The following TRAK1 variants were observed in gnomAD, a reference collection of about 807,000 sequenced individuals.
TRAK1 encodes the protein trafficking kinesin protein 1, also known as trafficking kinesin-binding protein 1.
A neutral mutation model predicts 92.1 loss-of-function variants in TRAK1; 33 were observed. The ratio of observed to expected loss-of-function variants is 0.36; its 90% CI spans 0.27 to 0.48. The LOEUF is 0.48. Among genes scored for constraint, TRAK1 ranks in the 20% least tolerant of loss-of-function variants. The pLI is 0.99. For synonymous variants in TRAK1, 521 were observed against 517.3 expected (o/e 1.01, Z -0.10); for missense variants, 1,123 against 1,257.9 (o/e 0.89, Z 1.62).
At chr3:42,217,201 C>A in intron 14 of TRAK1, 1 of 979,874 alleles carries the variant, frequency 1.0e-6, no homozygotes, top group Non-Finnish European at 1.2e-6. Context: ...CTCTGATGAT[C>A]CCAGTCTTGG....
At chr3:42,094,707 T>C (rs1705641502) in intron 1 of TRAK1, among the ~76,000 whole-genome samples, 1 of 152,208 alleles carries the variant, frequency 6.6e-6, no homozygotes, top group South Asian at 2.1e-4. Flanking sequence ...GGAAGAAATA[T>C]AATGTTATAA....
At chr3:42,203,245 T>C (rs1707901511) in intron 13 of TRAK1, 3 of 1,041,180 alleles carry the variant, frequency 2.9e-6, no homozygotes, top group South Asian at 4.6e-5. Context: ...TGTGGGCTTA[T>C]GTGTTCTGAT....
At chr3:42,210,877 A>C (rs184940711) in intron 14 of TRAK1, 2 of 985,328 alleles carry the variant, frequency 2.0e-6, no homozygotes, top group Middle Eastern at 5.2e-4. Flanking sequence ...AGGTGTGGCC[A>C]TGAGTTTACA....
chr3:42,098,024 T>G (rs1413769439), intron 1 of TRAK1, among the ~76,000 whole-genome samples: 1 of 152,036 alleles, frequency 6.6e-6, no homozygotes, highest in Non-Finnish European at 1.5e-5. Context: ...TCGTTTCATT[T>G]TTTTTCTTCT....
chr3:42,191,509 A>AC (rs749403946), intron 6 of TRAK1, 49 bp from the exon 7 acceptor site: 32 of 1,539,274 alleles, frequency 2.1e-5, no homozygotes, highest in Non-Finnish European at 2.8e-5. Context: ...TGCCTGCACC[A>AC]CCAGGCCAGG....
intron 1 of TRAK1, among the ~76,000 whole-genome samples, chr3:42,081,308 T>C (rs570961034): frequency 1.2e-4 from 19 of 152,350 alleles, no homozygotes; most frequent in East Asian, 9.6e-4. Context: ...GTGGTTTTCA[T>C]TGATTTCTGT....
intron 1 of TRAK1, among the ~76,000 whole-genome samples, chr3:42,030,881 G>C (rs1344690656): frequency 1.3e-5 from 2 of 151,610 alleles, no homozygotes; most frequent in Admixed American, 6.6e-5. Context: ...TTGTAGCTGA[G>C]AGATTACTTT....
chr3:42,035,991 G>A lies in TRAK1; in HGVS notation c.-519+21874G>A, dbSNP rs111264638. Among the ~76,000 whole-genome samples, 452 of 152,308 alleles carry A rather than the reference G, an allele frequency of 3.0e-3. 2 individuals carry two copies. Among genetic ancestry groups the A allele is most frequent in the African/African-American group, 0.01 (421 of 41,564 alleles). ...TGCTCAACTTTTAAGTCAGACCTACGGTTGGCCTGGGAAGCCTTCCCTGAC... is the reference window on the plus strand; with the variant it reads ...TGCTCAACTTTTAAGTCAGACCTACAGTTGGCCTGGGAAGCCTTCCCTGAC... On this transcript the variant is annotated intron_variant, in intron 1 of 16. Coordinates refer to the TRAK1 transcript ENST00000487159.
chr3:42,114,467 TATTCCTTTCTTAGATTTA>T (rs779666783), intron 1 of TRAK1, among the ~76,000 whole-genome samples: 37 of 152,372 alleles, frequency 2.4e-4, no homozygotes, highest in Non-Finnish European at 4.6e-4. Flanking sequence ...AGATTGTTTT[TATTCCTTTCTTAGATTTA>T]ATCCCAGGTG....
At chr3:42,156,546 C>A (rs1405024793) in intron 2 of TRAK1, among the ~76,000 whole-genome samples, 1 of 152,118 alleles carries the variant, frequency 6.6e-6, no homozygotes, top group Non-Finnish European at 1.5e-5. Flanking sequence ...AAGGAAGAAT[C>A]CGTGAGTCTA....
At chr3:42,019,172 C>CT (rs527846231) in intron 1 of TRAK1, among the ~76,000 whole-genome samples, 38 of 152,038 alleles carry the variant, frequency 2.5e-4, no homozygotes, top group African/African-American at 8.2e-4. Context: ...TAGGATCTCA[C>CT]TTTTTTTTGT....
upstream of TRAK1, among the ~76,000 whole-genome samples, chr3:42,082,531 G>A (rs183018081): frequency 2.3e-3 from 355 of 152,158 alleles, 3 homozygotes; most frequent in Non-Finnish European, 1.4e-3. Context: ...GGAGGCCAAG[G>A]CTTCAGTGAG....
intron 1 of TRAK1, among the ~76,000 whole-genome samples, chr3:42,080,989 C>T (rs1418308478): frequency 2.0e-5 from 3 of 152,168 alleles, no homozygotes; most frequent in African/African-American, 7.2e-5. Context: ...GTCCTCCCAC[C>T]TCAACCTCCC....
chr3:42,136,281 G>C (rs777004397), intron 2 of TRAK1, among the ~76,000 whole-genome samples: 1 of 152,122 alleles, frequency 6.6e-6, no homozygotes, highest in Non-Finnish European at 1.5e-5. Context: ...CTGTTCTTCA[G>C]CTCTTGGTAC....
intron 2 of TRAK1, among the ~76,000 whole-genome samples, chr3:42,142,620 C>T (rs1698815826): frequency 6.6e-6 from 1 of 152,194 alleles, no homozygotes; most frequent in African/African-American, 2.4e-5. Context: ...CATATTTGTA[C>T]ACTGTTTTAT....
upstream of TRAK1, among the ~76,000 whole-genome samples, chr3:42,084,907 A>T (rs1370364237): frequency 6.6e-6 from 1 of 151,066 alleles, no homozygotes; most frequent in East Asian, 1.9e-4. Context: ...CTCACCAGGG[A>T]TATACAGACT....
At chr3:42,094,090 GA>G (rs1030536230) in intron 1 of TRAK1, among the ~76,000 whole-genome samples, 1 of 151,008 alleles carries the variant, frequency 6.6e-6, no homozygotes, top group South Asian at 2.1e-4. Flanking sequence ...ATTATAATAG[GA>G]AAAAAAAATG....
At chr3:42,026,593 C>T (rs2148886729) in intron 1 of TRAK1, among the ~76,000 whole-genome samples, 1 of 150,420 alleles carries the variant, frequency 6.6e-6, no homozygotes, top group East Asian at 2.0e-4. Flanking sequence ...GGCATGATCT[C>T]AGCTCACTGC....
At chr3:42,088,732 C>T (rs1361540831), upstream of TRAK1, among the ~76,000 whole-genome samples, 1 of 152,186 alleles carries the variant, frequency 6.6e-6, no homozygotes, top group Non-Finnish European at 1.5e-5. Flanking sequence ...GTAGTTCACA[C>T]TGTTGCCAAG....
Sources: gnomAD v4.1 joint callset for allele counts (sites outside exome capture counted in the v4.1 genomes callset) on GRCh38, gnomAD v4.1.1 for gene constraint, MANE v1.5 for transcripts, NCBI Gene and HGNC (gene_info 2026-07-23, HGNC 2026-07-21) for gene names.